Variants in TENM1 observed in about 807,000 individuals in gnomAD.
The protein encoded by TENM1 is teneurin transmembrane protein 1, also known as teneurin-1.
A neutral mutation model predicts 174.8 loss-of-function variants in TENM1; 35 were observed. The observed-to-expected ratio is 0.20, with a 90% confidence interval of 0.15 to 0.27. TENM1 has a LOEUF of 0.27. Among genes scored for constraint, TENM1 ranks in the 10% least tolerant of loss-of-function variants. The pLI is 1.00. For missense variants in TENM1, 1,633 were observed against 2,130.1 expected (o/e 0.77, Z 4.59); for synonymous variants, 781 against 798.7 (o/e 0.98, Z 0.37).
chrX:124,519,715 T>C (rs1358415262), intron 18 of TENM1, among the ~76,000 whole-genome samples: 1 of 111,249 alleles, frequency 9.0e-6, no homozygotes, highest in Non-Finnish European at 1.9e-5. Flanking sequence ...TTGGTGTTAG[T>C]TTATCTCTCT....
At chrX:124,987,874 G>A in the TENM1 span, among the ~76,000 whole-genome samples, 2 of 110,912 alleles carry the variant, frequency 1.8e-5, no homozygotes, top group Non-Finnish European at 3.8e-5. Context: ...TTGAACTCTA[G>A]ATTATTAAGT....
At chrX:125,145,793 C>T in the TENM1 span, among the ~76,000 whole-genome samples, 23 of 111,947 alleles carry the variant, frequency 2.1e-4, no homozygotes, top group African/African-American at 4.9e-4. Context: ...TTGGATTTAC[C>T]GGCATAGGAC....
intron 4 of TENM1, 62 bp from the exon 8 acceptor site, chrX:124,705,313 A>G (rs1458938413): frequency 6.8e-6 from 6 of 883,190 alleles, no homozygotes; most frequent in Non-Finnish European, 4.8e-6. Context: ...CAAAAACACA[A>G]ACTCCATTAA....
chrX:125,037,181 T>A, the TENM1 span, among the ~76,000 whole-genome samples: 1 of 110,618 alleles, frequency 9.0e-6, no homozygotes, highest in African/African-American at 3.3e-5. Context: ...AAATCCCTAA[T>A]TTGCAATCTC....
chrX:125,169,854 T>C, the TENM1 span, among the ~76,000 whole-genome samples: 1 of 110,420 alleles, frequency 9.1e-6, no homozygotes, highest in African/African-American at 3.3e-5. Flanking sequence ...GTGTGGGAAA[T>C]AACATAGAAA....
intron 1 of TENM1, among the ~76,000 whole-genome samples, chrX:124,907,186 G>C (rs1480263056): frequency 8.9e-6 from 1 of 112,139 alleles, no homozygotes; most frequent in Non-Finnish European, 1.9e-5. Flanking sequence ...AAACAAAGCA[G>C]CAAGGCTGAT....
chrX:124,825,518 T>C (rs185172513), intron 3 of TENM1, among the ~76,000 whole-genome samples: 1 of 110,886 alleles, frequency 9.0e-6, no homozygotes, highest in African/African-American at 3.3e-5. Context: ...TTTCAAAAGA[T>C]GTAAACAATT....
At chrX:124,594,149 G>A (rs775571590) in intron 11 of TENM1, among the ~76,000 whole-genome samples, 12 of 111,605 alleles carry the variant, frequency 1.1e-4, no homozygotes, top group Non-Finnish European at 2.1e-4. Flanking sequence ...CTTGGCCTAG[G>A]TTGTTCAGAT....
intron 1 of TENM1, among the ~76,000 whole-genome samples, chrX:124,944,496 T>G (rs1320891831): frequency 9.0e-6 from 1 of 111,589 alleles, no homozygotes; most frequent in African/African-American, 3.3e-5. Context: ...CTGAAAGTAA[T>G]AGCTTTTGTT....
rs1470058024 is a variant in TENM1, at chrX:124,409,119, G to A, written c.4983-2630C>T. Reference sequence around the variant, plus strand: ...AGTCTTTGCTATTGTGAATAGTGCCGCAATAAACATACGTGTGCATGTGTC... The same window carrying A: ...AGTCTTTGCTATTGTGAATAGTGCCACAATAAACATACGTGTGCATGTGTC... On this transcript the variant is annotated intron_variant, in intron 25 of 31. Transcript: ENST00000422452. Among the ~76,000 whole-genome samples the A allele has an allele frequency of 1.3e-4, 14 of 109,528 alleles. No homozygotes were observed. The South Asian group carries it at 2.4e-3, about 19-fold the overall frequency.
intron 3 of TENM1, among the ~76,000 whole-genome samples, chrX:124,799,206 G>GT (rs1015945623): frequency 2.1e-4 from 23 of 109,752 alleles, no homozygotes; most frequent in Admixed American, 2.9e-4. Flanking sequence ...ATTTAAAGTA[G>GT]TTTTTTTTTC....
the TENM1 span, among the ~76,000 whole-genome samples, chrX:125,183,334 T>G: frequency 8.9e-6 from 1 of 112,229 alleles, no homozygotes; most frequent in East Asian, 2.8e-4. Context: ...GTCCTTCAGC[T>G]GCCCCTCAGA....
intron 23 of TENM1, among the ~76,000 whole-genome samples, chrX:124,448,473 A>G (rs1384784945): frequency 2.7e-5 from 3 of 111,843 alleles, no homozygotes; most frequent in African/African-American, 9.8e-5. Context: ...ATGATCTCTG[A>G]AAACTGATTT....
intron 11 of TENM1, among the ~76,000 whole-genome samples, chrX:124,576,509 A>G (rs996099173): frequency 2.7e-5 from 3 of 112,076 alleles, no homozygotes; most frequent in African/African-American, 9.7e-5. Flanking sequence ...GTTTGTGACC[A>G]CCTAAAAGGG....
At chrX:124,696,526 C>T (rs745681609) in intron 5 of TENM1, among the ~76,000 whole-genome samples, 1 of 109,317 alleles carries the variant, frequency 9.1e-6, no homozygotes, top group South Asian at 4.0e-4. Context: ...CAGCTGGTAT[C>T]TCTCTCTCTC....
the TENM1 span, among the ~76,000 whole-genome samples, chrX:124,970,127 AC>A: frequency 1.8e-5 from 2 of 111,474 alleles, no homozygotes; most frequent in Non-Finnish European, 3.8e-5. Context: ...ACTGGGGATA[AC>A]CTTTCCTCCA....
At chrX:124,396,588 G>A (rs2060337495) in intron 27 of TENM1, among the ~76,000 whole-genome samples, 1 of 110,995 alleles carries the variant, frequency 9.0e-6, no homozygotes, top group African/African-American at 3.3e-5. Context: ...ACAGGCATGA[G>A]CCACCACGCC....
the TENM1 span, among the ~76,000 whole-genome samples, chrX:125,165,026 G>T: frequency 1.8e-5 from 2 of 111,964 alleles, no homozygotes; most frequent in Non-Finnish European, 1.9e-5. Context: ...GGCATAAAAA[G>T]CTGTCAGTGA....
At chrX:125,191,174 G>A in the TENM1 span, among the ~76,000 whole-genome samples, 4 of 111,321 alleles carry the variant, frequency 3.6e-5, no homozygotes, top group Admixed American at 9.6e-5. Context: ...TTAGGACAAA[G>A]TCCCAGAAGT....
Sources: gnomAD v4.1 joint callset for allele counts (sites outside exome capture counted in the v4.1 genomes callset) on GRCh38, gnomAD v4.1.1 for gene constraint, MANE v1.5 for transcripts, NCBI Gene and HGNC (gene_info 2026-07-23, HGNC 2026-07-21) for gene names.